VGLL4: variants seen among roughly 807,000 people sequenced by gnomAD.
VGLL4 encodes transcription cofactor vestigial-like protein 4.
Under a neutral mutation model 21.0 loss-of-function variants are expected in VGLL4, and 7 were observed. The observed-to-expected ratio is 0.33, with a 90% CI of 0.19 to 0.63. The LOEUF is 0.63. VGLL4 is among the 20% of genes least tolerant of loss of function. The pLI, the probability that VGLL4 is intolerant of heterozygous loss-of-function variation, is 0.78. For synonymous variants in VGLL4, 222 were observed against 173.2 expected, an observed-to-expected ratio of 1.28 and a Z score of -2.21; for missense variants, 394 against 425.7, an observed-to-expected ratio of 0.93 and a Z score of 0.66.
chr3:11,678,168 C>T (rs2076321428), intron 2 of VGLL4, among the ~76,000 whole-genome samples: 2 of 152,116 alleles, frequency 1.3e-5, no homozygotes, highest in Non-Finnish European at 2.9e-5. Flanking sequence ...GATTCTGGTG[C>T]CTCAGCCTCC....
At chr3:11,669,999 T>C (rs190028514) in intron 2 of VGLL4, among the ~76,000 whole-genome samples, 2 of 152,052 alleles carry the variant, frequency 1.3e-5, no homozygotes, top group East Asian at 3.9e-4. Flanking sequence ...CATGCTTTGG[T>C]AAAACTAAAC....
rs549262454 is a variant in VGLL4 at position 11,625,994 on chromosome 3, T to C, written c.82+17443A>G. On this transcript the variant is annotated intron_variant, in intron 1 of 4. Transcript: ENST00000430365. ...TGATAACTGTACAACTCTGTGAATA[T>C]ATTAAATACCATTAAATTGTATAAT... Among the ~76,000 whole-genome samples, 5 of 152,348 alleles carry C rather than the reference T, an allele frequency of 3.3e-5. 1 individual carries two copies. The Middle Eastern group carries it at 0.01, about 311-fold the overall frequency.
intron 1 of VGLL4, chr3:11,607,232 G>A (rs2074966047): frequency 6.6e-6 from 1 of 152,194 alleles, no homozygotes; most frequent in Non-Finnish European, 1.5e-5. Context: ...TATCCATGAT[G>A]TAATATTATG....
intron 2 of VGLL4, among the ~76,000 whole-genome samples, chr3:11,673,161 G>T (rs73813004): frequency 0.017 from 2,518 of 152,192 alleles, 70 homozygotes; most frequent in African/African-American, 0.057. Context: ...AGATATCTGA[G>T]GAAAGCTACT....
intron 1 of VGLL4, among the ~76,000 whole-genome samples, chr3:11,609,630 G>C (rs1244691263): frequency 1.3e-5 from 2 of 152,216 alleles, no homozygotes. Flanking sequence ...TTGGGTTTCA[G>C]GGGGATTAAT....
intron 1 of VGLL4, among the ~76,000 whole-genome samples, chr3:11,641,886 T>C (rs913791798): frequency 1.3e-5 from 2 of 152,200 alleles, no homozygotes; most frequent in South Asian, 4.1e-4. Flanking sequence ...CTGGTATCAA[T>C]TTCCTAACAA....
chr3:11,700,805 T>G (rs979425349), intron 2 of VGLL4, among the ~76,000 whole-genome samples: 1 of 152,172 alleles, frequency 6.6e-6, no homozygotes, highest in African/African-American at 2.4e-5. Context: ...GTTTTGTTGT[T>G]GTTTAGGTAA....
chr3:11,620,482 G>A (rs1250823732), intron 1 of VGLL4, among the ~76,000 whole-genome samples: 6 of 152,118 alleles, frequency 3.9e-5, no homozygotes, highest in East Asian at 3.9e-4. Context: ...ATCCAAAGGC[G>A]TTAGCACCCC....
At position 11,688,245 on chromosome 3, in the gene VGLL4, C is replaced by A. The variant is rs1320075639; in HGVS notation, c.64+14726G>T. ...CTATGTACTTGATTTTATATACATA[C>A]AACTTTGTGTTTTATTTGGCTTTAG... is the stretch of plus-strand genomic sequence containing the variant. On this transcript the variant is annotated intron_variant, in intron 2 of 5. Transcript: ENST00000273038. Among the ~76,000 whole-genome samples, 4 of 152,118 alleles carry A rather than the reference C, an allele frequency of 2.6e-5. No homozygotes were observed. The East Asian group carries it at 7.7e-4, about 29-fold the overall frequency.
chr3:11,665,093 A>ACATTTTT (rs1302893979), intron 2 of VGLL4, among the ~76,000 whole-genome samples: 2 of 113,634 alleles, frequency 1.8e-5, no homozygotes, highest in African/African-American at 6.6e-5. Flanking sequence ...AGCAATTTGA[A>ACATTTTT]TATTTTTCTT....
chr3:11,559,229 T>A, intron 4 of VGLL4, 103 bp downstream of exon 4: 1 of 1,434,496 alleles, frequency 7.0e-7, no homozygotes, highest in South Asian at 1.5e-5. Context: ...ACCTCAGCAA[T>A]AGATGGGCTC....
At chr3:11,570,206 AT>A (rs1248749116) in intron 2 of VGLL4, among the ~76,000 whole-genome samples, 1 of 152,008 alleles carries the variant, frequency 6.6e-6, no homozygotes, top group African/African-American at 2.4e-5. Flanking sequence ...GCCCTGTGGC[AT>A]CAGCCGCTCA....
chr3:11,570,675 G>A (rs2073739350), intron 2 of VGLL4, among the ~76,000 whole-genome samples: 1 of 152,236 alleles, frequency 6.6e-6, no homozygotes, highest in African/African-American at 2.4e-5. Flanking sequence ...ATGACTGGTG[G>A]CAAAGACTTT....
At chr3:11,682,717 C>T (rs2076394332) in intron 2 of VGLL4, among the ~76,000 whole-genome samples, 8 of 151,984 alleles carry the variant, frequency 5.3e-5, no homozygotes, top group Admixed American at 5.2e-4. Flanking sequence ...TGTTTAATAA[C>T]GGACAGTTTA....
At chr3:11,581,452 G>A (rs150455390) in intron 2 of VGLL4, among the ~76,000 whole-genome samples, 170 of 152,254 alleles carry the variant, frequency 1.1e-3, no homozygotes, top group African/African-American at 3.7e-3. Flanking sequence ...GCAGGCAGGT[G>A]AGCATACCTA....
chr3:11,575,636 C>T (rs1369235071), intron 2 of VGLL4, among the ~76,000 whole-genome samples: 1 of 152,226 alleles, frequency 6.6e-6, no homozygotes, highest in African/African-American at 2.4e-5. Flanking sequence ...TCCCAGACAC[C>T]AGCCTTAGGA....
intron 1 of VGLL4, chr3:11,607,112 CA>C (rs34733255): frequency 0.94 from 142,598 of 152,270 alleles, 66,902 homozygotes; most frequent in African/African-American, 0.95. Flanking sequence ...GAAATGAAAA[CA>C]ATGTCCACAC....
chr3:11,583,744 G>A (rs1334184978), intron 2 of VGLL4, among the ~76,000 whole-genome samples: 2 of 152,204 alleles, frequency 1.3e-5, no homozygotes, highest in South Asian at 2.1e-4. Context: ...CCTCAGCTCC[G>A]CCAAGGATGG....
At chr3:11,690,765 A>C (rs948608465) in intron 2 of VGLL4, among the ~76,000 whole-genome samples, 4 of 152,214 alleles carry the variant, frequency 2.6e-5, no homozygotes, top group African/African-American at 9.6e-5. Context: ...CAAAAGTTTG[A>C]TCCAATAAAA....
Sources: allele counts gnomAD v4.1 joint callset (sites outside exome capture counted in the v4.1 genomes callset), GRCh38; gene constraint gnomAD v4.1.1; transcripts MANE v1.5; gene names NCBI Gene and HGNC (gene_info 2026-07-23, HGNC 2026-07-21).